ZNF462: variants seen among roughly 807,000 people sequenced by gnomAD.
ZNF462 encodes zinc finger PBX1-interacting protein.
ZNF462 carries 10 observed loss-of-function variants against 201.9 expected under a neutral mutation model. That is an observed-to-expected ratio of 0.05 (90% CI 0.03 to 0.08). The LOEUF (loss-of-function observed/expected upper bound fraction) is 0.08, where lower values mean the gene tolerates loss of function less well. ZNF462 is among the 10% of genes least tolerant of loss of function. The probability of loss-of-function intolerance (pLI) is 1.00; values close to 1 mark genes in which losing one functional copy is unlikely to be tolerated. For missense variants in ZNF462, 2,523 were observed against 3,168.3 expected (o/e 0.80, Z 4.89); for synonymous variants, 1,227 against 1,193.3 (o/e 1.03, Z -0.58).
At chr9:106,915,105 T>C (rs1045556028) in intron 1 of ZNF462, among the ~76,000 whole-genome samples, 1 of 151,990 alleles carries the variant, frequency 6.6e-6, no homozygotes, top group African/African-American at 2.4e-5. Context: ...GCTCTCAAGG[T>C]GAAGATGGCA....
chr9:106,932,145 C>G lies in ZNF462; in HGVS notation c.6013-301C>G. 1 of 1,446,956 alleles carries G rather than the reference C, an allele frequency of 6.9e-7. No homozygotes were observed. The highest frequency in any genetic ancestry group is 9.2e-7 in the Non-Finnish European group (1 of 1,091,014). 89.6% of individuals were successfully genotyped at this position (1,446,956 alleles called of 1,614,324 possible). A position where few individuals can be genotyped will look rare whatever the true frequency, so the allele number is the denominator to read the frequency against. ...GTAGCTGGAGAGGCAGGGGAGGAAG[C>G]TTTGACAAGAAGTGCTGTTGAGTTT... On this transcript the variant is annotated intron_variant, in intron 4 of 12. Transcript: ENST00000277225. The surrounding 1 kb of genome is among the most constrained non-coding windows in gnomAD (Gnocchi z 6.8).
rs1296373542 is a variant in ZNF462 at position 106,927,104 on chromosome 9, G to T, written c.3192G>T (p.Gln1064His). ...AAAAGGCTTCCTACTTTAGGATCCA[G>T]AAAACTATGCGAATGGTGTCTGTGG... The part of the protein sequence containing the change: ...PEEKASYFRI[Q>H]KTMRMVSVDR... Residue 1064 changes from glutamine (Q) to histidine (H), a missense_variant, in exon 3 of 13, where the codon CAG (glutamine) becomes CAT (histidine). By Grantham distance (24) the Gln-to-His change is conservative. Coordinates refer to ENST00000277225, the MANE Select transcript of ZNF462 (RefSeq NM_021224.6). 3 of 1,614,048 alleles carry T rather than the reference G, an allele frequency of 1.9e-6. No homozygotes were observed. The Admixed American group carries it at 5.0e-5, about 27-fold the overall frequency.
chr9:106,945,577 C>T (rs916701157), intron 7 of ZNF462, among the ~76,000 whole-genome samples: 27 of 152,122 alleles, frequency 1.8e-4, no homozygotes, highest in African/African-American at 2.4e-5. Context: ...AAATTTACAT[C>T]GTTTATAGCA....
At chr9:106,871,787 A>G (rs942969403) in intron 1 of ZNF462, among the ~76,000 whole-genome samples, 9 of 152,220 alleles carry the variant, frequency 5.9e-5, no homozygotes, top group African/African-American at 1.9e-4. Flanking sequence ...AACGAAGTAG[A>G]GAATAGAGCA....
At chr9:106,975,161 C>T (rs1310969689) in intron 9 of ZNF462, 1 of 152,234 alleles carries the variant, frequency 6.6e-6, no homozygotes, top group Non-Finnish European at 1.5e-5. Context: ...CATTGCCAGT[C>T]TTGATTGGTG....
rs1034831589 is a variant in ZNF462, at chr9:106,885,721, C to T, written c.-31+22366C>T. Reference sequence around the variant, plus strand: ...ACTCAGCATTAGGTCACCCTTTAGGCGTATGGTGCAGAGCTCATGCTACCA... The same window carrying T: ...ACTCAGCATTAGGTCACCCTTTAGGTGTATGGTGCAGAGCTCATGCTACCA... On this transcript the variant is annotated intron_variant, in intron 1 of 12. Transcript: ENST00000277225. This position sits in a 1 kb window ranked among gnomAD's most constrained non-coding sequence, Gnocchi z 4.1. Among the ~76,000 whole-genome samples the T allele has an allele frequency of 2.0e-5, 3 of 152,336 alleles. No homozygotes were observed. Among genetic ancestry groups the T allele is most frequent in the South Asian group, 2.1e-4 (1 of 4,832 alleles).
chr9:106,998,429 AATT>A (rs1828909314), intron 10 of ZNF462, among the ~76,000 whole-genome samples: 1 of 152,156 alleles, frequency 6.6e-6, no homozygotes, highest in Non-Finnish European at 1.5e-5. Flanking sequence ...AATCACATAT[AATT>A]ATTATCACCT....
In ZNF462 at chr9:106,925,945, A is replaced by G. The variant is rs201084283; in HGVS notation, c.2033A>G (p.Lys678Arg). The change falls in exon 3 of 13, where the codon AAG (lysine) becomes AGG (arginine). Residue 678 changes from lysine (K) to arginine (R), a missense_variant. Coordinates refer to ENST00000277225, the MANE Select transcript of ZNF462 (RefSeq NM_021224.6). The surrounding 1 kb of genome is among the most constrained non-coding windows in gnomAD (Gnocchi z 7.9). ...AATTTTGTAGCTAAAGCCTCTAGGA[A>G]GCTCGCCAATGACTTTCCTCTAGAT... ...KNNFVAKASR[K>R]LANDFPLDLS... 7.1e-5 allele frequency: 115 copies of G among 1,614,176 alleles called. No homozygotes were observed. In the Admixed American group the frequency reaches 1.9e-3, roughly 27 times the overall value.
Position 106,925,524 on chromosome 9 carries a change from C to A in ZNF462, c.1612C>A (p.Gln538Lys). The change falls in exon 3 of 13, where the codon CAG becomes AAG. Residue 538 changes from glutamine (Q) to lysine (K), a missense_variant. Transcript: ENST00000277225. The surrounding 1 kb of genome is among the most constrained non-coding windows in gnomAD (Gnocchi z 7.9). ...GTCAGGAGTCATGTTGGATCCCTTG[C>A]AGCAGCAACAGCCACCGCAGCCACC... ...RKSGVMLDPLQQQQPPQPPPP... is the reference protein window; with the variant it reads ...RKSGVMLDPLKQQQPPQPPPP... 6.2e-7 allele frequency: 1 copy of A among 1,613,936 alleles called. No homozygotes were observed. The highest frequency in any genetic ancestry group is 8.5e-7 in the Non-Finnish European group (1 of 1,179,940).
chr9:106,908,619 T>C (rs1829372935), intron 1 of ZNF462, among the ~76,000 whole-genome samples: 1 of 151,928 alleles, frequency 6.6e-6, no homozygotes, highest in African/African-American at 2.4e-5. Flanking sequence ...AGAGGAAGAA[T>C]TATCCAATTC....
At chr9:106,914,753 A>G (rs1052494993) in intron 1 of ZNF462, among the ~76,000 whole-genome samples, 3 of 152,142 alleles carry the variant, frequency 2.0e-5, no homozygotes, top group Admixed American at 2.0e-4. Context: ...TAGTGAAGGA[A>G]ATAAAGTAGT....
Position 106,926,716 on chromosome 9 carries a change from C to T in ZNF462, c.2804C>T (p.Pro935Leu), listed in dbSNP as rs760939293. ...YRCRFCSYTS[P>L]NVRSLMPHYQ... ...TGTCGGTTTTGTTCATACACGAGCCCGAATGTTAGAAGCCTGATGCCACAT... is the reference window on the plus strand; with the variant it reads ...TGTCGGTTTTGTTCATACACGAGCCTGAATGTTAGAAGCCTGATGCCACAT... The change falls in exon 3 of 13, where the codon CCG becomes CTG. Residue 935 changes from proline (P) to leucine (L), a missense_variant. Around this residue, in one of 15 missense-constraint regions of ZNF462, gnomAD observed 280 missense variants for 321.3 expected, o/e 0.87. Transcript: ENST00000277225. The surrounding 1 kb of genome is among the most constrained non-coding windows in gnomAD (Gnocchi z 7.9). 6 of 1,614,034 alleles carry T rather than the reference C, an allele frequency of 3.7e-6. No individual in the cohort carries two copies. The highest frequency in any genetic ancestry group is 5.1e-6 in the Non-Finnish European group (6 of 1,180,008).
chr9:106,922,080 A>G (rs1830014604), intron 1 of ZNF462, among the ~76,000 whole-genome samples: 1 of 152,182 alleles, frequency 6.6e-6, no homozygotes, highest in South Asian at 2.1e-4. Flanking sequence ...CACTACATTG[A>G]TGTATTATTA....
Position 106,926,207 on chromosome 9 carries a change from C to A in ZNF462, c.2295C>A (p.Thr765=). The A allele has an allele frequency of 6.2e-7, 1 of 1,614,170 alleles. No individual in the cohort carries two copies. ...FSAQQIWVRD[T]SEPQKEPNFR... is the part of the protein sequence containing the mutation. Reference sequence around the variant, plus strand: ...CCCAACAGATATGGGTAAGAGATACCAGTGAGCCCCAGAAAGAGCCCAACT... The same window carrying A: ...CCCAACAGATATGGGTAAGAGATACAAGTGAGCCCCAGAAAGAGCCCAACT... Residue 765 remains threonine, a synonymous_variant, in exon 3 of 13, where the codon ACC becomes ACA. Coordinates refer to ENST00000277225, the MANE Select transcript of ZNF462 (RefSeq NM_021224.6). This position sits in a 1 kb window ranked among gnomAD's most constrained non-coding sequence, Gnocchi z 7.9.
Position 106,876,383 on chromosome 9 carries a change from C to T in ZNF462, c.-31+13028C>T, listed in dbSNP as rs1233410457. 6.6e-6 allele frequency among the ~76,000 whole-genome samples: 1 copy of T among 152,108 alleles called. No homozygotes were observed. Among genetic ancestry groups the T allele is most frequent in the Non-Finnish European group, 1.5e-5 (1 of 68,032 alleles). ...CAGAGATCTTCTCCAGGGCTTTGCC[C>T]CATTTATCTATGGTCAGTATATTAG... On this transcript the variant is annotated intron_variant, in intron 1 of 12. Coordinates refer to ENST00000277225, the MANE Select transcript of ZNF462 (RefSeq NM_021224.6). The surrounding 1 kb of genome is among the most constrained non-coding windows in gnomAD (Gnocchi z 4.9).
intron 1 of ZNF462, among the ~76,000 whole-genome samples, chr9:106,903,099 C>T (rs1470525454): frequency 6.6e-6 from 1 of 152,060 alleles, no homozygotes; most frequent in Admixed American, 6.6e-5. Flanking sequence ...CTTAGCACCA[C>T]CTTTGCTTTG....
In ZNF462 at chr9:106,928,849, C is replaced by T; in HGVS notation, c.4937C>T (p.Thr1646Ile). ...EEEVGEEPVS[T>I]SHFSTSHLVS... ...GAGGTGGGAGAGGAGCCCGTGTCCACTTCTCACTTCTCTACCTCCCACCTG... is the reference window on the plus strand; with the variant it reads ...GAGGTGGGAGAGGAGCCCGTGTCCATTTCTCACTTCTCTACCTCCCACCTG... The change falls in exon 3 of 13, where the codon ACT (threonine) becomes ATT (isoleucine). Residue 1646 changes from threonine (T) to isoleucine (I), a missense_variant. Thr to Ile is a moderately conservative substitution (Grantham distance 89). Transcript: ENST00000277225. The surrounding 1 kb of genome is among the most constrained non-coding windows in gnomAD (Gnocchi z 9.3). The T allele has an allele frequency of 2.5e-6, 4 of 1,614,088 alleles. No homozygotes were observed. Among genetic ancestry groups the T allele is most frequent in the Non-Finnish European group, 2.5e-6 (3 of 1,180,030 alleles).
chr9:106,892,400 T>C (rs1454992925), intron 1 of ZNF462, among the ~76,000 whole-genome samples: 4 of 152,182 alleles, frequency 2.6e-5, no homozygotes, highest in Admixed American at 2.6e-4. Flanking sequence ...ATCAAACTTG[T>C]CACACAACCT....
At chr9:106,875,964 A>G (rs1827814317) in intron 1 of ZNF462, among the ~76,000 whole-genome samples, 1 of 152,244 alleles carries the variant, frequency 6.6e-6, no homozygotes, top group African/African-American at 2.4e-5. Flanking sequence ...AGAAAGATAG[A>G]TAGATAGATA....
Sources: allele counts gnomAD v4.1 joint callset (sites outside exome capture counted in the v4.1 genomes callset), GRCh38; gene constraint gnomAD v4.1.1; regional missense constraint gnomAD v4.1.1; non-coding constraint Gnocchi (gnomAD v3.1); transcripts MANE v1.5; gene names NCBI Gene and HGNC (gene_info 2026-07-23, HGNC 2026-07-21).